ULK4: variants seen among roughly 807,000 people sequenced by gnomAD.
ULK4 encodes unc-51 like kinase 4, also known as inactive serine/threonine-protein kinase ULK4.
In ULK4, 133 loss-of-function variants were observed where a neutral mutation model predicts 160.6. The observed-to-expected ratio is 0.83, with a 90% confidence interval of 0.72 to 0.96. The LOEUF is 0.96. Ranked by LOEUF, ULK4 falls within the 40% of genes least tolerant of loss-of-function variation. The pLI is 0.00. For missense variants in ULK4, 1,580 were observed against 1,499.5 expected (o/e 1.05, Z -0.89); for synonymous variants, 534 against 539.8 (o/e 0.99, Z 0.15).
chr3:41,293,199 C>A lies in ULK4; in HGVS notation c.3679-43625G>T, dbSNP rs540966656. ...GCAAGGAAGGTTATCATTTAGATAA[C>A]CAAGCCAGGAAACAACTTAAGATTC... On this transcript the variant is annotated intron_variant, in intron 35 of 36. Coordinates refer to ENST00000301831, the MANE Select transcript of ULK4 (RefSeq NM_017886.4). Among the ~76,000 whole-genome samples the A allele has an allele frequency of 4.6e-5, 7 of 151,946 alleles. No individual in the cohort carries two copies. The East Asian group carries it at 1.4e-3, about 29-fold the overall frequency.
chr3:41,892,669 T>C (rs950429489), intron 16 of ULK4, among the ~76,000 whole-genome samples: 8 of 152,172 alleles, frequency 5.3e-5, no homozygotes, highest in African/African-American at 1.9e-4. Flanking sequence ...GAAGTTACAT[T>C]TGTCTTATCT....
At chr3:41,613,507 T>A (rs2032806688) in intron 31 of ULK4, among the ~76,000 whole-genome samples, 1 of 127,670 alleles carries the variant, frequency 7.8e-6, no homozygotes, top group Non-Finnish European at 1.5e-5. Context: ...TTCAGAAATG[T>A]TAAAATCTGA....
At chr3:41,935,418 A>C (rs1343714104) in intron 4 of ULK4, among the ~76,000 whole-genome samples, 1 of 151,710 alleles carries the variant, frequency 6.6e-6, no homozygotes, top group Non-Finnish European at 1.5e-5. Context: ...TTTAGTTGAG[A>C]TGGGGTTTCA....
At chr3:41,623,377 GA>G (rs1238036542) in intron 30 of ULK4, among the ~76,000 whole-genome samples, 1 of 152,102 alleles carries the variant, frequency 6.6e-6, no homozygotes, top group African/African-American at 2.4e-5. Context: ...GAAGCACTTA[GA>G]AAGTCCACCT....
At chr3:41,884,859 G>A (rs1190017083) in intron 16 of ULK4, among the ~76,000 whole-genome samples, 2 of 152,086 alleles carry the variant, frequency 1.3e-5, no homozygotes, top group Non-Finnish European at 1.5e-5. Context: ...AATTAAAGAA[G>A]TCCTAGGCAA....
At chr3:41,339,882 T>C (rs1469191404) in intron 35 of ULK4, among the ~76,000 whole-genome samples, 1 of 152,212 alleles carries the variant, frequency 6.6e-6, no homozygotes, top group Non-Finnish European at 1.5e-5. Flanking sequence ...TGTCTGATGT[T>C]TTTCTCAACA....
At chr3:41,257,787 C>A in intron 35 of ULK4, among the ~76,000 whole-genome samples, 1 of 152,094 alleles carries the variant, frequency 6.6e-6, no homozygotes, top group East Asian at 1.9e-4. Flanking sequence ...AATGTAGATG[C>A]AACCAAGCTG....
chr3:41,608,391 T>C (rs1575478901), intron 31 of ULK4, among the ~76,000 whole-genome samples: 1 of 152,260 alleles, frequency 6.6e-6, no homozygotes, highest in Non-Finnish European at 1.5e-5. Flanking sequence ...CTGACATTTC[T>C]ACTTTCTCAA....
At chr3:41,378,527 C>G (rs866669974) in intron 35 of ULK4, among the ~76,000 whole-genome samples, 2 of 151,170 alleles carry the variant, frequency 1.3e-5, no homozygotes, top group Non-Finnish European at 2.9e-5. Context: ...CAAACTATCG[C>G]AAGGACAAAA....
intron 27 of ULK4, among the ~76,000 whole-genome samples, chr3:41,697,671 AGAGTCT>A (rs2036546252): frequency 6.6e-6 from 1 of 152,128 alleles, no homozygotes; most frequent in Admixed American, 6.5e-5. Context: ...TTGTAGGCAT[AGAGTCT>A]CGCTATGTTG....
chr3:41,618,590 T>C (rs555571306), intron 30 of ULK4, among the ~76,000 whole-genome samples: 4 of 152,242 alleles, frequency 2.6e-5, no homozygotes, highest in Admixed American at 1.3e-4. Flanking sequence ...ATTTTGTCAC[T>C]ACCAGGCCTG....
intron 34 of ULK4, among the ~76,000 whole-genome samples, chr3:41,443,986 T>C (rs1495692): frequency 0.2 from 30,782 of 151,938 alleles, 3,640 homozygotes; most frequent in East Asian, 0.57. Flanking sequence ...TTTTCAGTAC[T>C]AAAAATAATG....
intron 22 of ULK4, among the ~76,000 whole-genome samples, chr3:41,737,595 C>T (rs900444648): frequency 3.9e-5 from 6 of 151,956 alleles, no homozygotes; most frequent in South Asian, 2.1e-4. Flanking sequence ...GGAGGCATCA[C>T]GCTATCTAAG....
At chr3:41,761,321 ATG>A (rs1022447607) in intron 21 of ULK4, among the ~76,000 whole-genome samples, 44 of 125,264 alleles carry the variant, frequency 3.5e-4, no homozygotes, top group Admixed American at 1.4e-3. Context: ...ATTATATACT[ATG>A]TTATGTTATA....
chr3:41,863,708 C>T (rs1392735370), intron 17 of ULK4, among the ~76,000 whole-genome samples: 1 of 151,822 alleles, frequency 6.6e-6, no homozygotes. Context: ...TAACAGTTTC[C>T]CTTCTGGCCC....
chr3:41,639,843 T>C (rs1429765565), intron 30 of ULK4, among the ~76,000 whole-genome samples: 1 of 152,236 alleles, frequency 6.6e-6, no homozygotes, highest in Non-Finnish European at 1.5e-5. Flanking sequence ...AAGATGTTAA[T>C]CTGATATTTT....
rs1325835795 is a variant in ULK4 at position 41,300,821 on chromosome 3, T to G, written c.3679-51247A>C. 2.2e-5 allele frequency among the ~76,000 whole-genome samples: 3 copies of G among 135,004 alleles called. No individual in the cohort carries two copies. In the Admixed American group the frequency reaches 2.3e-4, roughly 10 times the overall value. 88.6% of individuals were successfully genotyped at this position (135,004 alleles called of 152,430 possible). A position where few individuals can be genotyped will look rare whatever the true frequency, so the allele number is the denominator to read the frequency against. On this transcript the variant is annotated intron_variant, in intron 35 of 36. Coordinates refer to ENST00000301831, the MANE Select transcript of ULK4 (RefSeq NM_017886.4). The stretch of plus-strand genomic sequence containing the variant: ...TTCTCTTCTCTCTTATGATTAAATT[T>G]TGATCATTTTACAGATTATATATAT...
At chr3:41,491,177 A>C (rs1320192308) in intron 32 of ULK4, among the ~76,000 whole-genome samples, 1 of 152,194 alleles carries the variant, frequency 6.6e-6, no homozygotes, top group African/African-American at 2.4e-5. Flanking sequence ...GCCCTACCAT[A>C]TTTTTGAATA....
chr3:41,365,057 C>T (rs1219662127), intron 35 of ULK4, among the ~76,000 whole-genome samples: 1 of 152,168 alleles, frequency 6.6e-6, no homozygotes, highest in East Asian at 1.9e-4. Context: ...GGCTAGAGGT[C>T]CTGTCATCTC....
Sources: gnomAD v4.1 joint callset for allele counts (sites outside exome capture counted in the v4.1 genomes callset) on GRCh38, gnomAD v4.1.1 for gene constraint, MANE v1.5 for transcripts, NCBI Gene and HGNC (gene_info 2026-07-23, HGNC 2026-07-21) for gene names.